Variants in NMNAT3 observed in about 807,000 individuals in gnomAD.
NMNAT3 encodes the protein nicotinamide/nicotinic acid mononucleotide adenylyltransferase 3.
In NMNAT3, 21 loss-of-function variants were observed where a neutral mutation model predicts 24.8. That is an observed-to-expected ratio of 0.85 (90% CI 0.60 to 1.22). The LOEUF (loss-of-function observed/expected upper bound fraction) is 1.22. Among genes scored for constraint, NMNAT3 ranks in the 50% most tolerant of loss-of-function variants. NMNAT3 has a pLI of 0.00. For missense variants in NMNAT3, 387 were observed against 436.6 expected, an observed-to-expected ratio of 0.89 and a Z score of 1.01; for synonymous variants, 136 against 155.2, an observed-to-expected ratio of 0.88 and a Z score of 0.92.
At chr3:139,630,724 G>A (rs917482218) in intron 2 of NMNAT3, among the ~76,000 whole-genome samples, 2 of 152,178 alleles carry the variant, frequency 1.3e-5, no homozygotes, top group Non-Finnish European at 2.9e-5. Context: ...TACTTCCTTT[G>A]AGGCAGCAGG....
intron 6 of NMNAT3, chr3:139,571,978 C>T: frequency 2.5e-6 from 1 of 396,072 alleles, no homozygotes; most frequent in Admixed American, 4.4e-5. Flanking sequence ...TATCTCCTGC[C>T]CTTGTGCTTT....
intron 6 of NMNAT3, among the ~76,000 whole-genome samples, chr3:139,563,207 A>T (rs1936677430): frequency 6.6e-6 from 1 of 152,256 alleles, no homozygotes; most frequent in Admixed American, 6.5e-5. Context: ...GGCTGGTCCC[A>T]TTGCTCACAA....
chr3:139,610,738 T>C (rs1497269), intron 3 of NMNAT3, among the ~76,000 whole-genome samples: 141,511 of 152,288 alleles, frequency 0.93, 66,675 homozygotes, highest in East Asian at 1. Context: ...TAAATAGAAT[T>C]ATCATAGCTT....
chr3:139,638,170 G>A (rs1411226103), intron 1 of NMNAT3, 108 bp from the exon 2 acceptor site: 1 of 152,192 alleles, frequency 6.6e-6, no homozygotes, highest in Admixed American at 6.5e-5. Context: ...TGCCCAGTTT[G>A]CTTTACCTCT....
intron 6 of NMNAT3, chr3:139,569,664 A>G (rs1161929130): frequency 6.6e-6 from 1 of 152,182 alleles, no homozygotes; most frequent in Non-Finnish European, 1.5e-5. Flanking sequence ...AATGTTGAAT[A>G]TTGGTCTCCA....
At chr3:139,576,007 GACAAC>G (rs1939251278) in intron 5 of NMNAT3, 1 of 1,288,996 alleles carries the variant, frequency 7.8e-7, no homozygotes, top group Non-Finnish European at 1.0e-6. Context: ...GTAAAATGAG[GACAAC>G]ACAAGATCAT....
intron 3 of NMNAT3, among the ~76,000 whole-genome samples, chr3:139,592,757 A>G (rs1205454070): frequency 1.3e-5 from 2 of 152,202 alleles, no homozygotes; most frequent in Non-Finnish European, 2.9e-5. Context: ...TCCTTTACAG[A>G]CAAGCAAATG....
chr3:139,586,842 C>A (rs1392598759), intron 3 of NMNAT3, among the ~76,000 whole-genome samples: 7 of 151,924 alleles, frequency 4.6e-5, no homozygotes, highest in Non-Finnish European at 8.8e-5. Flanking sequence ...CCCTTTTTGG[C>A]CTGAGGGTGA....
At chr3:139,621,392 G>A (rs1213244115) in intron 3 of NMNAT3, among the ~76,000 whole-genome samples, 1 of 152,062 alleles carries the variant, frequency 6.6e-6, no homozygotes, top group Non-Finnish European at 1.5e-5. Flanking sequence ...TATTTTGTTT[G>A]TCGAGACAGG....
At chr3:139,624,867 A>T (rs556129984) in intron 3 of NMNAT3, among the ~76,000 whole-genome samples, 1 of 152,214 alleles carries the variant, frequency 6.6e-6, no homozygotes, top group East Asian at 1.9e-4. Context: ...ATTAGGTCAA[A>T]TTGTTTAATA....
intron 1 of NMNAT3, among the ~76,000 whole-genome samples, chr3:139,640,216 TCACAC>T (rs2056652974): frequency 6.6e-6 from 1 of 151,830 alleles, no homozygotes; most frequent in African/African-American, 2.4e-5. Flanking sequence ...CAGAAGGAGG[TCACAC>T]AGAAGGGGCT....
intron 1 of NMNAT3, among the ~76,000 whole-genome samples, chr3:139,664,788 T>C (rs1012621632): frequency 1.3e-5 from 2 of 152,242 alleles, no homozygotes; most frequent in Non-Finnish European, 2.9e-5. Flanking sequence ...AGCACAACTA[T>C]CAATCTTTCT....
At chr3:139,649,129 G>A (rs1361035855) in intron 1 of NMNAT3, among the ~76,000 whole-genome samples, 1 of 151,928 alleles carries the variant, frequency 6.6e-6, no homozygotes, top group Non-Finnish European at 1.5e-5. Context: ...GTAATTTTAG[G>A]AATCAAAAAA....
At chr3:139,592,874 T>C (rs1366286066) in intron 3 of NMNAT3, among the ~76,000 whole-genome samples, 1 of 152,124 alleles carries the variant, frequency 6.6e-6, no homozygotes, top group Non-Finnish European at 1.5e-5. Flanking sequence ...CATGCCAAAA[T>C]ATAAAGACCA....
At position 139,631,455 on chromosome 3, in the gene NMNAT3, T is replaced by C. The variant is rs991995992; in HGVS notation, c.-40-3691A>G. On this transcript the variant is annotated intron_variant, in intron 2 of 6. Coordinates refer to ENST00000643695, the MANE Select transcript of NMNAT3 (RefSeq NM_001320510.2). ...CATCTGCCCTTATCATCTAATAATA[T>C]CTAGTGAGACGGAGCAAGTGAGGGA... Among the ~76,000 whole-genome samples, 2 of 152,092 alleles carry C rather than the reference T, an allele frequency of 1.3e-5. 1 individual carries two copies.
At chr3:139,582,902 A>C (rs2053727785) in intron 4 of NMNAT3, 1 of 1,357,250 alleles carries the variant, frequency 7.4e-7, no homozygotes, top group Non-Finnish European at 9.7e-7. Flanking sequence ...GGAGCAGTCC[A>C]AAAAAATATA....
chr3:139,621,170 G>A (rs1424647382), intron 3 of NMNAT3, among the ~76,000 whole-genome samples: 2 of 152,068 alleles, frequency 1.3e-5, no homozygotes, highest in South Asian at 2.1e-4. Flanking sequence ...AATTCCAATT[G>A]CTTCAGGTCC....
chr3:139,590,746 A>C lies in NMNAT3; in HGVS notation c.110-7538T>G, dbSNP rs1466166666. Among the ~76,000 whole-genome samples, 6 of 152,268 alleles carry C rather than the reference A, an allele frequency of 3.9e-5. No individual in the cohort carries two copies. The East Asian group carries it at 1.2e-3, about 29-fold the overall frequency. Reference sequence around the variant, plus strand: ...AAGTGTGAAGGATAAAAAGTTAATAAAACGTATCTAAGATGTTAATATGGT... The same window carrying C: ...AAGTGTGAAGGATAAAAAGTTAATACAACGTATCTAAGATGTTAATATGGT... On this transcript the variant is annotated intron_variant, in intron 3 of 6. Transcript: ENST00000643695.
chr3:139,613,761 T>G (rs555129204), intron 3 of NMNAT3, among the ~76,000 whole-genome samples: 72 of 152,154 alleles, frequency 4.7e-4, no homozygotes, highest in Non-Finnish European at 8.8e-4. Flanking sequence ...ATAGACTAGA[T>G]TAAGAAAATG....
Sources: gnomAD v4.1 joint callset for allele counts (sites outside exome capture counted in the v4.1 genomes callset) on GRCh38, gnomAD v4.1.1 for gene constraint, MANE v1.5 for transcripts, NCBI Gene and HGNC (gene_info 2026-07-23, HGNC 2026-07-21) for gene names.